The following LIPA variants were observed in gnomAD, a reference collection of about 807,000 sequenced individuals.
LIPA encodes the protein lipase A, lysosomal acid type.
LIPA carries 26 observed loss-of-function variants against 40.6 expected under a neutral mutation model. That is an observed-to-expected ratio of 0.64 (90% confidence interval 0.47 to 0.89). The LOEUF is 0.89. LIPA is among the 40% of genes least tolerant of loss of function. The probability of loss-of-function intolerance (pLI) is 0.00; values close to 1 mark genes in which losing one functional copy is unlikely to be tolerated. For synonymous variants in LIPA, 188 were observed against 168.4 expected (o/e 1.12, Z -0.90); for missense variants, 455 against 479.6 (o/e 0.95, Z 0.48).
intron 1 of LIPA, among the ~76,000 whole-genome samples, chr10:89,295,020 TGAAAG>T (rs56297817): frequency 0.052 from 5,501 of 106,490 alleles, 196 homozygotes; most frequent in African/African-American, 0.11. Flanking sequence ...GGAAATGAAA[TGAAAG>T]GAAAGGAAAG....
chr10:89,377,950 T>C (rs1589626234), intron 2 of LIPA: 1 of 579,878 alleles, frequency 1.7e-6, no homozygotes, highest in South Asian at 2.4e-5. Context: ...ACAGCCCTAT[T>C]CCTCTGTATC....
intron 2 of LIPA, among the ~76,000 whole-genome samples, chr10:89,351,142 C>T (rs1286886913): frequency 6.6e-6 from 1 of 152,248 alleles, no homozygotes; most frequent in South Asian, 2.1e-4. Context: ...ATGACAAAAC[C>T]ATGTCTCTAT....
chr10:89,308,375 G>A (rs995926147), intron 1 of LIPA: 2 of 152,166 alleles, frequency 1.3e-5, no homozygotes, highest in Non-Finnish European at 2.9e-5. Context: ...CATGAACCTG[G>A]TTTGAGACGG....
intron 1 of LIPA, among the ~76,000 whole-genome samples, chr10:89,315,036 T>C (rs1416121858): frequency 6.6e-6 from 1 of 152,204 alleles, no homozygotes; most frequent in African/African-American, 2.4e-5. Context: ...GAAGGGAAGA[T>C]AGGCAACTTT....
intron 1 of LIPA, among the ~76,000 whole-genome samples, chr10:89,334,355 A>G (rs563665017): frequency 2.6e-5 from 4 of 151,550 alleles, no homozygotes; most frequent in African/African-American, 7.3e-5. Context: ...CTCTTTCTGG[A>G]CCTGAGGGAA....
intron 2 of LIPA, chr10:89,378,277 C>T: frequency 1.3e-6 from 1 of 793,624 alleles, no homozygotes; most frequent in Admixed American, 2.0e-5. Flanking sequence ...GATAGGCACC[C>T]TCAACATGAT....
chr10:89,402,569 G>A, intron 2 of LIPA: 1 of 1,614,102 alleles, frequency 6.2e-7, no homozygotes, highest in Non-Finnish European at 8.5e-7. Context: ...TGGTGACCTG[G>A]GGCAACTTTG....
rs560125992 is a variant in LIPA, at chr10:89,308,664, C to G, written c.-2+33947G>C. The stretch of plus-strand genomic sequence containing the variant: ...CAGCTGACCCAGCATCAGCCACACT[C>G]TGGGTTGGAAAATGTTTGCCTGTTG... On this transcript the variant is annotated intron_variant, in intron 1 of 5. Coordinates refer to the LIPA transcript ENST00000282673. 3 of 152,250 alleles carry G rather than the reference C, an allele frequency of 2.0e-5. No individual in the cohort carries two copies. In the South Asian group the frequency reaches 6.2e-4, roughly 32 times the overall value. The allele number at this position is 152,250 out of a possible 1,614,324, so 9.4% of individuals were successfully genotyped here.
At chr10:89,293,109 TCCCCC>T (rs1235602479) in intron 1 of LIPA, among the ~76,000 whole-genome samples, 6 of 152,124 alleles carry the variant, frequency 3.9e-5, no homozygotes, top group Non-Finnish European at 8.8e-5. Flanking sequence ...AGGGGTGGTT[TCCCCC>T]ATATTATTCT....
At chr10:89,360,538 G>A (rs949771792) in intron 2 of LIPA, among the ~76,000 whole-genome samples, 1 of 152,194 alleles carries the variant, frequency 6.6e-6, no homozygotes, top group East Asian at 1.9e-4. Context: ...GTACATGTGA[G>A]GCTAAGAGTG....
At chr10:89,300,871 C>G (rs905631492) in intron 1 of LIPA, among the ~76,000 whole-genome samples, 2 of 152,108 alleles carry the variant, frequency 1.3e-5, no homozygotes, top group Non-Finnish European at 2.9e-5. Context: ...CCTGTAATCC[C>G]AGCTACTCGA....
chr10:89,216,474 A>G (rs1370612629), intron 8 of LIPA, among the ~76,000 whole-genome samples: 5 of 151,366 alleles, frequency 3.3e-5, no homozygotes, highest in Non-Finnish European at 7.4e-5. Context: ...AATAATTATA[A>G]TATACAATTG....
At chr10:89,273,935 C>T (rs149457054) in intron 1 of LIPA, among the ~76,000 whole-genome samples, 1 of 152,284 alleles carries the variant, frequency 6.6e-6, no homozygotes, top group African/African-American at 2.4e-5. Context: ...ACTGCTTTTA[C>T]ACTACTTTTA....
At chr10:89,404,060 CT>C (rs57941432) in intron 2 of LIPA, 42,491 of 170,938 alleles carry the variant, frequency 0.25, 5,546 homozygotes, top group Middle Eastern at 0.29. Flanking sequence ...AACAGACCCT[CT>C]TGGCCAAGGA....
At chr10:89,409,380 C>G (rs1459326623) in intron 2 of LIPA, among the ~76,000 whole-genome samples, 2 of 152,134 alleles carry the variant, frequency 1.3e-5, no homozygotes, top group Non-Finnish European at 1.5e-5. Context: ...TGCCAATCAC[C>G]CGGTAGGGCT....
intron 1 of LIPA, among the ~76,000 whole-genome samples, chr10:89,264,050 G>C (rs1843223238): frequency 6.6e-6 from 1 of 152,256 alleles, no homozygotes; most frequent in Non-Finnish European, 1.5e-5. Flanking sequence ...GCCCCAAAGA[G>C]GGTGGCACAG....
At chr10:89,365,606 C>G (rs920735605) in intron 2 of LIPA, among the ~76,000 whole-genome samples, 3 of 152,028 alleles carry the variant, frequency 2.0e-5, no homozygotes, top group Non-Finnish European at 2.9e-5. Flanking sequence ...AATCTTTAAT[C>G]CATCTTGAAT....
intron 2 of LIPA, among the ~76,000 whole-genome samples, chr10:89,348,515 C>T (rs1843938367): frequency 1.3e-5 from 2 of 152,276 alleles, no homozygotes; most frequent in African/African-American, 4.8e-5. Flanking sequence ...AACTGGGGTC[C>T]ACTTGCCCAG....
intron 1 of LIPA, among the ~76,000 whole-genome samples, chr10:89,289,156 A>G (rs2133505180): frequency 6.6e-6 from 1 of 152,268 alleles, no homozygotes; most frequent in East Asian, 1.9e-4. Flanking sequence ...TCCACCTATC[A>G]ATCTCTTCCC....
Sources: gnomAD v4.1 joint callset for allele counts (sites outside exome capture counted in the v4.1 genomes callset) on GRCh38, gnomAD v4.1.1 for gene constraint, MANE v1.5 for transcripts, NCBI Gene and HGNC (gene_info 2026-07-23, HGNC 2026-07-21) for gene names.